Variants in LGR4 observed in about 807,000 individuals in gnomAD.
LGR4 encodes the protein leucine rich repeat containing G protein-coupled receptor 4, also known as leucine-rich repeat-containing G protein-coupled receptor 4.
Under a neutral mutation model 84.8 loss-of-function variants are expected in LGR4, and 44 were observed. The observed-to-expected ratio is 0.52, with a 90% CI of 0.41 to 0.67. LGR4 has a LOEUF of 0.67. Ranked by LOEUF, LGR4 falls within the 30% of genes least tolerant of loss-of-function variation. The pLI, the probability that LGR4 is intolerant of heterozygous loss-of-function variation, is 0.00. For missense variants in LGR4, 1,032 were observed against 1,131.4 expected (o/e 0.91, Z 1.26); for synonymous variants, 429 against 434.3 (o/e 0.99, Z 0.15).
intron 1 of LGR4, 50 bp downstream of exon 1, chr11:27,472,068 C>CA: frequency 1.7e-6 from 2 of 1,176,180 alleles, no homozygotes; most frequent in Non-Finnish European, 2.1e-6. Flanking sequence ...GCGCCCCCCG[C>CA]TGGGCCCCGT....
At chr11:27,419,413 C>T (rs985699383) in intron 1 of LGR4, among the ~76,000 whole-genome samples, 18 of 151,466 alleles carry the variant, frequency 1.2e-4, no homozygotes, top group African/African-American at 4.1e-4. Flanking sequence ...GCTGACAATA[C>T]CAAGTACTGA....
intron 4 of LGR4, 115 bp from the exon 5 acceptor site, chr11:27,385,583 T>C: frequency 3.2e-6 from 2 of 634,302 alleles, no homozygotes; most frequent in Non-Finnish European, 5.3e-6. Context: ...TTATCATCTT[T>C]AATTTTACTA....
At chr11:27,412,734 C>T (rs1863734295) in intron 2 of LGR4, 55 bp downstream of exon 2, 1 of 1,079,636 alleles carries the variant, frequency 9.3e-7, no homozygotes, top group African/African-American at 1.6e-5. Context: ...GCAAAAGCTT[C>T]CAAAATGAAT....
At chr11:27,395,696 G>C (rs1371202108) in intron 2 of LGR4, among the ~76,000 whole-genome samples, 1 of 152,172 alleles carries the variant, frequency 6.6e-6, no homozygotes, top group Admixed American at 6.5e-5. Flanking sequence ...TGATTACTTA[G>C]TTTGTTAGTA....
chr11:27,366,817 G>T lies in LGR4; in HGVS notation c.*1050C>A, dbSNP rs1261837030. The T allele has an allele frequency of 6.6e-6, 1 of 152,048 alleles. No individual in the cohort carries two copies. The highest frequency in any genetic ancestry group is 1.5e-5 in the Non-Finnish European group (1 of 67,954). The allele number at this position is 152,048 out of a possible 1,614,324, so 9.4% of individuals were successfully genotyped here. On this transcript the variant is annotated 3_prime_UTR_variant, in exon 18 of 18. Transcript: ENST00000379214. Reference sequence around the variant, plus strand: ...AAAAATAGTATGGGGAAGATGTATGGAAATTTCCATTTAATAGCACAGGTT... The same window carrying T: ...AAAAATAGTATGGGGAAGATGTATGTAAATTTCCATTTAATAGCACAGGTT...
chr11:27,472,093 T>G, intron 1 of LGR4, 25 bp downstream of exon 1: 459 of 295,168 alleles, frequency 1.6e-3, no homozygotes, highest in Non-Finnish European at 1.8e-3. Flanking sequence ...TCCCCCCCCC[T>G]CGCGTCCCCG....
chr11:27,380,450 T>C, intron 9 of LGR4, 111 bp from the exon 10 acceptor site: 2 of 786,764 alleles, frequency 2.5e-6, no homozygotes. Context: ...ACTAGTTTCA[T>C]CTCTTGAATG....
In LGR4 at chr11:27,372,355, C is replaced by T. The variant is rs761318340; in HGVS notation, c.1423G>A (p.Gly475Ser). The change falls in exon 16 of 18, where the codon GGT (glycine) becomes AGT (serine). Residue 475 changes from glycine (G) to serine (S), a missense_variant. Physicochemically the swap from Gly to Ser is moderately conservative, Grantham distance 56. Coordinates refer to ENST00000379214, the MANE Select transcript of LGR4 (RefSeq NM_018490.5). ...TTTAAATTTGCATAAGAGTCACAACCCCAAAATGCACAGCACTGATAAGCA... is the reference window on the plus strand; with the variant it reads ...TTTAAATTTGCATAAGAGTCACAACTCCAAAATGCACAGCACTGATAAGCA... The part of the protein sequence containing the change: ...PYAYQCCAFW[G>S]CDSYANLNTE... The T allele has an allele frequency of 8.7e-6, 14 of 1,613,630 alleles. No individual in the cohort carries two copies. In the South Asian group the frequency reaches 8.8e-5, roughly 10 times the overall value.
At chr11:27,469,568 CCT>C (rs1864834767) in intron 1 of LGR4, among the ~76,000 whole-genome samples, 1 of 152,148 alleles carries the variant, frequency 6.6e-6, no homozygotes. Context: ...ACCCCCCACC[CCT>C]GTCCCCAGGG....
chr11:27,389,807 G>T (rs539919646), intron 4 of LGR4, among the ~76,000 whole-genome samples: 1 of 151,232 alleles, frequency 6.6e-6, no homozygotes, highest in Admixed American at 6.6e-5. Context: ...TGTGAAGTCA[G>T]CCGAATAACA....
chr11:27,409,332 A>C (rs967894943), intron 2 of LGR4, among the ~76,000 whole-genome samples: 3 of 152,144 alleles, frequency 2.0e-5, no homozygotes, highest in African/African-American at 7.2e-5. Context: ...TACCAGGCTC[A>C]TGAACTCCAA....
intron 2 of LGR4, among the ~76,000 whole-genome samples, chr11:27,404,613 C>T (rs1415919231): frequency 1.3e-5 from 2 of 152,102 alleles, no homozygotes; most frequent in Non-Finnish European, 2.9e-5. Context: ...TCTAAGCAGT[C>T]CTATTAGGAT....
At chr11:27,442,783 A>T (rs1031465403) in intron 1 of LGR4, among the ~76,000 whole-genome samples, 1 of 152,218 alleles carries the variant, frequency 6.6e-6, no homozygotes, top group African/African-American at 2.4e-5. Context: ...GAGAGAAGAC[A>T]GTTATTTTCA....
At chr11:27,469,833 T>A (rs1864839770) in intron 1 of LGR4, among the ~76,000 whole-genome samples, 1 of 152,160 alleles carries the variant, frequency 6.6e-6, no homozygotes. Flanking sequence ...AGACTGGAAG[T>A]ACTTGGAAAA....
At chr11:27,433,412 T>C (rs1313777074) in intron 1 of LGR4, among the ~76,000 whole-genome samples, 1 of 135,388 alleles carries the variant, frequency 7.4e-6, no homozygotes, top group Admixed American at 7.4e-5. Context: ...TTTTTTTTTT[T>C]AGTAGAGATG....
Position 27,412,684 on chromosome 11 carries a change from T to C in LGR4, c.257+105A>G, listed in dbSNP as rs192914729. 1.3e-4 allele frequency: 97 copies of C among 771,306 alleles called. No homozygotes were observed. In the African/African-American group the frequency reaches 1.5e-3, roughly 12 times the overall value. The allele number at this position is 771,306 out of a possible 1,614,324, so 47.8% of individuals were successfully genotyped here. ...CTCACAAAGCCCACTGAAATTAAGCTATCAGAATGTCTAACAGAAAACATC... is the reference window on the plus strand; with the variant it reads ...CTCACAAAGCCCACTGAAATTAAGCCATCAGAATGTCTAACAGAAAACATC... On this transcript the variant is annotated intron_variant, in intron 2 of 17. Transcript: ENST00000379214.
chr11:27,448,415 C>T (rs1296668812), intron 1 of LGR4, among the ~76,000 whole-genome samples: 1 of 151,782 alleles, frequency 6.6e-6, no homozygotes, highest in Admixed American at 6.6e-5. Context: ...GCCTCAGCCT[C>T]CTGAGTAGCT....
intron 13 of LGR4, among the ~76,000 whole-genome samples, chr11:27,375,157 G>A (rs1862951405): frequency 6.6e-6 from 1 of 151,126 alleles, no homozygotes; most frequent in Admixed American, 6.6e-5. Context: ...GCTGGAGATT[G>A]TGGTGTGCAC....
At chr11:27,369,686 T>C (rs920953941) in intron 17 of LGR4, among the ~76,000 whole-genome samples, 1 of 152,214 alleles carries the variant, frequency 6.6e-6, no homozygotes, top group Non-Finnish European at 1.5e-5. Context: ...TAGACTTCAA[T>C]AAATATTAGC....
Sources: gnomAD v4.1 joint callset for allele counts (sites outside exome capture counted in the v4.1 genomes callset) on GRCh38, gnomAD v4.1.1 for gene constraint, MANE v1.5 for transcripts, NCBI Gene and HGNC (gene_info 2026-07-23, HGNC 2026-07-21) for gene names.